Variants in RBFOX1 observed in about 807,000 individuals in gnomAD.
The protein encoded by RBFOX1 is RNA binding protein fox-1 homolog 1.
In RBFOX1, 8 loss-of-function variants were observed where a neutral mutation model predicts 57.7. That is an observed-to-expected ratio of 0.14 (90% CI 0.08 to 0.25). RBFOX1 has a LOEUF of 0.25. Ranked by LOEUF, RBFOX1 falls within the 10% of genes least tolerant of loss-of-function variation. RBFOX1 has a pLI of 1.00. For missense variants in RBFOX1, 611 were observed against 548.5 expected, an observed-to-expected ratio of 1.11 and a Z score of -1.14; for synonymous variants, 326 against 222.4, an observed-to-expected ratio of 1.47 and a Z score of -4.15.
At chr16:7,153,722 T>G (rs2076535101) in intron 4 of RBFOX1, among the ~76,000 whole-genome samples, 2 of 64,662 alleles carry the variant, frequency 3.1e-5, no homozygotes, top group Non-Finnish European at 3.1e-5. Context: ...AGTGAGACAG[T>G]GTCTCAAAAA....
chr16:6,487,712 T>C (rs1296448406), intron 2 of RBFOX1, among the ~76,000 whole-genome samples: 1 of 6,136 alleles, frequency 1.6e-4, no homozygotes, highest in Non-Finnish European at 3.4e-4. Context: ...TATATATATA[T>C]ATATATATAT....
At chr16:6,219,065 C>T (rs896323560) in intron 1 of RBFOX1, among the ~76,000 whole-genome samples, 4 of 151,954 alleles carry the variant, frequency 2.6e-5, no homozygotes, top group Admixed American at 1.3e-4. Flanking sequence ...CTTGAGATAC[C>T]GAGTCATTAA....
intron 12 of RBFOX1, among the ~76,000 whole-genome samples, chr16:7,655,657 T>C (rs12448409): frequency 0.16 from 23,804 of 152,300 alleles, 2,116 homozygotes; most frequent in East Asian, 0.36. Context: ...TGGGCTCATG[T>C]AATTACTAAA....
At chr16:5,508,526 AGATTGCACAGAGT>A (rs1161055276) in intron 2 of RBFOX1, among the ~76,000 whole-genome samples, 4 of 152,162 alleles carry the variant, frequency 2.6e-5, no homozygotes, top group Admixed American at 6.5e-5. Context: ...GTCGGGTGGG[AGATTGCACAGAGT>A]GATTGCACAG....
At chr16:5,883,303 C>A (rs927931161) in intron 4 of RBFOX1, among the ~76,000 whole-genome samples, 11 of 152,036 alleles carry the variant, frequency 7.2e-5, no homozygotes, top group African/African-American at 2.2e-4. Flanking sequence ...GTGTTAAAAT[C>A]AGAAAAATCT....
chr16:7,119,311 G>C (rs899185769), intron 4 of RBFOX1, among the ~76,000 whole-genome samples: 3 of 152,066 alleles, frequency 2.0e-5, no homozygotes, highest in African/African-American at 7.2e-5. Context: ...TTTCCCTATG[G>C]TGAATGATTT....
At chr16:6,891,107 C>A (rs1250547354) in intron 3 of RBFOX1, among the ~76,000 whole-genome samples, 1 of 152,200 alleles carries the variant, frequency 6.6e-6, no homozygotes, top group African/African-American at 2.4e-5. Context: ...CAATATCCAT[C>A]CATTCATTCA....
intron 2 of RBFOX1, among the ~76,000 whole-genome samples, chr16:6,369,030 C>A (rs1040439394): frequency 6.6e-6 from 1 of 152,008 alleles, no homozygotes; most frequent in Non-Finnish European, 1.5e-5. Flanking sequence ...AAAATTGAAA[C>A]TATGGAAAAT....
At chr16:7,034,855 T>C (rs1167210854) in intron 3 of RBFOX1, among the ~76,000 whole-genome samples, 2 of 89,786 alleles carry the variant, frequency 2.2e-5, no homozygotes, top group Admixed American at 1.1e-4. Context: ...TTTCTTTTTT[T>C]TTTTTTTTTT....
intron 3 of RBFOX1, among the ~76,000 whole-genome samples, chr16:6,784,009 A>G (rs1344373542): frequency 3.9e-5 from 6 of 152,126 alleles, no homozygotes; most frequent in Non-Finnish European, 8.8e-5. Flanking sequence ...TCTGCTGACA[A>G]ACATTTGGAC....
chr16:7,160,463 G>A (rs763095594), intron 4 of RBFOX1, among the ~76,000 whole-genome samples: 37 of 152,022 alleles, frequency 2.4e-4, no homozygotes, highest in Middle Eastern at 6.8e-3. Flanking sequence ...TACATTAAAT[G>A]TGTAACGTGC....
intron 2 of RBFOX1, among the ~76,000 whole-genome samples, chr16:5,572,080 A>G (rs2046303095): frequency 6.6e-6 from 1 of 152,070 alleles, no homozygotes; most frequent in East Asian, 1.9e-4. Context: ...AGCACATCTC[A>G]GGTGTTTGCT....
chr16:7,140,761 G>C lies in RBFOX1; in HGVS notation c.27+88663G>C, dbSNP rs141114275. Among the ~76,000 whole-genome samples, 35 of 152,262 alleles carry C rather than the reference G, an allele frequency of 2.3e-4. No individual in the cohort carries two copies. In the East Asian group the frequency reaches 6.0e-3, roughly 26 times the overall value. On this transcript the variant is annotated intron_variant, in intron 4 of 15. Transcript: ENST00000550418. ...GAGACTTGAATGAGGAAATATTTAT[G>C]GGGAAGGTAGCGTTAAACTTTCCAG...
At chr16:6,469,056 A>T (rs1214321149) in intron 2 of RBFOX1, among the ~76,000 whole-genome samples, 1 of 152,068 alleles carries the variant, frequency 6.6e-6, no homozygotes, top group African/African-American at 2.4e-5. Flanking sequence ...GACCCCTGGG[A>T]AGGTCTTTTC....
At chr16:6,293,410 C>G (rs1417582536) in intron 1 of RBFOX1, among the ~76,000 whole-genome samples, 2 of 151,204 alleles carry the variant, frequency 1.3e-5, no homozygotes, top group Non-Finnish European at 2.9e-5. Flanking sequence ...ATTCCTATCG[C>G]TCTGCCCGGG....
intron 2 of RBFOX1, among the ~76,000 whole-genome samples, chr16:6,614,886 G>A (rs1198639414): frequency 1.3e-5 from 2 of 152,146 alleles, no homozygotes; most frequent in African/African-American, 4.8e-5. Flanking sequence ...GTTTGAAAAT[G>A]TTTGCATTTG....
intron 2 of RBFOX1, among the ~76,000 whole-genome samples, chr16:6,498,330 A>G (rs2095829933): frequency 6.6e-6 from 1 of 152,114 alleles, no homozygotes; most frequent in Non-Finnish European, 1.5e-5. Flanking sequence ...AGTAGAATTT[A>G]GAGAGACTTA....
At chr16:6,062,616 A>G (rs1185749351) in intron 1 of RBFOX1, among the ~76,000 whole-genome samples, 2 of 21,776 alleles carry the variant, frequency 9.2e-5, no homozygotes, top group African/African-American at 1.7e-4. Flanking sequence ...TACATAATAT[A>G]TAAATATATA....
At chr16:5,635,759 G>T (rs1233443369) in intron 3 of RBFOX1, among the ~76,000 whole-genome samples, 3 of 152,210 alleles carry the variant, frequency 2.0e-5, no homozygotes, top group African/African-American at 7.2e-5. Context: ...CTGAGGGATA[G>T]ATCAAGCCAG....
Sources: allele counts gnomAD v4.1 joint callset (sites outside exome capture counted in the v4.1 genomes callset), GRCh38; gene constraint gnomAD v4.1.1; transcripts MANE v1.5; gene names NCBI Gene and HGNC (gene_info 2026-07-23, HGNC 2026-07-21).